Variants in EOMES observed in about 807,000 individuals in gnomAD.
EOMES encodes eomesodermin homolog.
Under a neutral mutation model 61.0 loss-of-function variants are expected in EOMES, and 18 were observed. The ratio of observed to expected loss-of-function variants is 0.30; its 90% CI spans 0.20 to 0.44. The LOEUF is 0.44. Ranked by LOEUF, EOMES falls within the 20% of genes least tolerant of loss-of-function variation. The pLI is 1.00. For synonymous variants in EOMES, 430 were observed against 394.0 expected, an observed-to-expected ratio of 1.09 and a Z score of -1.08; for missense variants, 885 against 939.2, an observed-to-expected ratio of 0.94 and a Z score of 0.75.
chr3:27,720,048 C>T (rs2060599140), intron 2 of EOMES, 123 bp downstream of exon 2: 3 of 903,988 alleles, frequency 3.3e-6, no homozygotes. Flanking sequence ...CATACTAACA[C>T]CTCTAGGCCT....
At chr3:27,719,574 A>G (rs1362903527) in intron 2 of EOMES, 93 bp from the exon 3 acceptor site, 42 of 1,166,166 alleles carry the variant, frequency 3.6e-5, no homozygotes, top group Non-Finnish European at 5.0e-5. Flanking sequence ...TATGAGCAAG[A>G]TATAAGAGCT....
At position 27,717,018 on chromosome 3, in the gene EOMES, C is replaced by T; in HGVS notation, c.*52G>A. 1 of 1,460,342 alleles carries T rather than the reference C, an allele frequency of 6.8e-7. No individual in the cohort carries two copies. Among genetic ancestry groups the T allele is most frequent in the Non-Finnish European group, 9.3e-7 (1 of 1,077,524 alleles). The allele number at this position is 1,460,342 out of a possible 1,614,324, so 90.5% of individuals were successfully genotyped here. On this transcript the variant is annotated 3_prime_UTR_variant, in exon 6 of 6. Coordinates refer to ENST00000449599, the MANE Select transcript of EOMES (RefSeq NM_001278182.2). The surrounding 1 kb of genome is among the most constrained non-coding windows in gnomAD (Gnocchi z 4.5). ...AGGCAAAGAAGACAACAAAAAACAC[C>T]ACCAAGTCCATCTGCAAAAAGTTAG... is the stretch of plus-strand genomic sequence containing the variant.
At position 27,717,902 on chromosome 3, in the gene EOMES, GT is replaced by G; in HGVS notation, c.1380-95del. On this transcript the variant is annotated intron_variant, in intron 5 of 5. Coordinates refer to ENST00000449599, the MANE Select transcript of EOMES (RefSeq NM_001278182.2). The surrounding 1 kb of genome is among the most constrained non-coding windows in gnomAD (Gnocchi z 4.5). ...CCAGAAATGAAAAAGGCTTGTGTTG[GT>G]TATCTACACCGAAAGTGCTGGTCTG... 1.1e-6 allele frequency: 1 copy of G among 938,736 alleles called. No individual in the cohort carries two copies. 58.2% of individuals were successfully genotyped at this position (938,736 alleles called of 1,614,324 possible). A position where few individuals can be genotyped will look rare whatever the true frequency, so the allele number is the denominator to read the frequency against.
chr3:27,721,783 GC>G lies in EOMES; in HGVS notation c.511del (p.Ala171ArgfsTer117). On this transcript the variant is annotated frameshift_variant, in exon 1 of 6. Transcript: ENST00000449599. LOFTEE classifies it high-confidence loss of function. The surrounding 1 kb of genome is among the most constrained non-coding windows in gnomAD (Gnocchi z 7.4). ...SLFPYQAAAGAPHGPVYPAPN... is the reference protein window; with the variant it reads ...SLFPYQAAAGXPHGPVYPAPN... ...AGCCGGGTACACAGGTCCGTGGGGC[GC>G]CCCAGCCGCCGCCTGGTACGGGAAG... is the stretch of plus-strand genomic sequence containing the variant. 2 of 1,494,926 alleles carry G rather than the reference GC, an allele frequency of 1.3e-6. No homozygotes were observed. The highest frequency in any genetic ancestry group is 1.4e-5 in the South Asian group (1 of 74,052). The allele number at this position is 1,494,926 out of a possible 1,614,324, so 92.6% of individuals were successfully genotyped here.
upstream of EOMES, chr3:27,722,463 G>C: frequency 7.4e-7 from 1 of 1,360,220 alleles, no homozygotes; most frequent in Non-Finnish European, 9.4e-7. Flanking sequence ...GCGCGTACTG[G>C]CGCGCCCTGA....
rs1342756983 is a variant in EOMES at position 27,722,116 on chromosome 3, G to A, written c.179C>T (p.Ser60Phe). The A allele has an allele frequency of 3.9e-6, 6 of 1,551,150 alleles. No individual in the cohort carries two copies. The South Asian group carries it at 7.1e-5, about 18-fold the overall frequency. ...KASKKFSGSL[S>F]CEAVSGEPAA... is the part of the protein sequence containing the mutation. ...GGGCTCCCCGCTCACCGCCTCGCAG[G>A]AGAGACTGCCGGAAAACTTCTTGGA... The change falls in exon 1 of 6, where the codon TCC becomes TTC. Residue 60 changes from serine (S) to phenylalanine (F), a missense_variant. This residue lies in a region of EOMES where 449 missense variants were observed against 383.6 expected (regional missense o/e 1.17). Coordinates refer to ENST00000449599, the MANE Select transcript of EOMES (RefSeq NM_001278182.2).
intron 1 of EOMES, among the ~76,000 whole-genome samples, chr3:27,720,852 G>A (rs56061146): frequency 5.9e-5 from 9 of 151,982 alleles, no homozygotes; most frequent in African/African-American, 2.2e-4. Flanking sequence ...ATGTATATCA[G>A]AACTTTCTCG....
intron 2 of EOMES, among the ~76,000 whole-genome samples, 179 bp downstream of exon 2, chr3:27,719,992 A>G (rs941883662): frequency 2.0e-5 from 3 of 152,100 alleles, no homozygotes; most frequent in African/African-American, 7.2e-5. Context: ...AAGAAATCTG[A>G]CTTAGCAAAC....
chr3:27,722,356 G>A (rs1198575859), upstream of EOMES: 1 of 1,414,958 alleles, frequency 7.1e-7, no homozygotes, highest in East Asian at 2.9e-5. Flanking sequence ...TATTATAAAG[G>A]CAGGATGGGG....
In EOMES at chr3:27,721,701, C is replaced by T. The variant is rs1190296745; in HGVS notation, c.594G>A (p.Ala198=). 2 of 1,494,292 alleles carry T rather than the reference C, an allele frequency of 1.3e-6. No individual in the cohort carries two copies. Among genetic ancestry groups the T allele is most frequent in the Admixed American group, 2.7e-5 (1 of 37,466 alleles). The allele number at this position is 1,494,292 out of a possible 1,614,324, so 92.6% of individuals were successfully genotyped here. A position where few individuals can be genotyped will look rare whatever the true frequency, so the allele number is the denominator to read the frequency against. ...GSMLPPGGFP[A]AVCPPGRAQF... is the part of the protein sequence containing the mutation. ...GCGCCCTCCCGGGTGGGCACACAGCCGCGGGGAAGCCGCCGGGGGGCAGCA... is the reference window on the plus strand; with the variant it reads ...GCGCCCTCCCGGGTGGGCACACAGCTGCGGGGAAGCCGCCGGGGGGCAGCA... The change falls in exon 1 of 6, where the codon GCG becomes GCA. Residue 198 remains alanine (A), a synonymous_variant. Transcript: ENST00000449599. This position sits in a 1 kb window ranked among gnomAD's most constrained non-coding sequence, Gnocchi z 7.4.
chr3:27,722,047 G>C lies in EOMES; in HGVS notation c.248C>G (p.Thr83Ser). 6.5e-7 allele frequency: 1 copy of C among 1,535,366 alleles called. No individual in the cohort carries two copies. The highest frequency in any genetic ancestry group is 8.8e-7 in the Non-Finnish European group (1 of 1,141,112). Residue 83 changes from threonine (T) to serine (S), a missense_variant, in exon 1 of 6, where the codon ACC (threonine) becomes AGC (serine). Thr to Ser is a moderately conservative substitution (Grantham distance 58). Coordinates refer to ENST00000449599, the MANE Select transcript of EOMES (RefSeq NM_001278182.2). ...GCTGGCAAATGCGTCCCCGGCGTCG[G>C]TGTCACTAAGCATGGCCGCGGGGGC... is the stretch of plus-strand genomic sequence containing the variant. ...AGAPAAMLSD[T>S]DAGDAFASAA...
rs2125402008 is a variant in EOMES at position 27,720,044 on chromosome 3, A to G, written c.1036+127T>C. 26 of 866,966 alleles carry G rather than the reference A, an allele frequency of 3.0e-5. 1 individual carries two copies. In the South Asian group the frequency reaches 4.2e-4, roughly 14 times the overall value. 53.7% of individuals were successfully genotyped at this position (866,966 alleles called of 1,614,324 possible). ...CAAGCAACTCAAAGACACTCATACT[A>G]ACACCTCTAGGCCTCAGAATGGAAG... On this transcript the variant is annotated intron_variant, in intron 2 of 5. Coordinates refer to ENST00000449599, the MANE Select transcript of EOMES (RefSeq NM_001278182.2).
In EOMES at chr3:27,721,885, T is replaced by A. The variant is rs1228665355; in HGVS notation, c.410A>T (p.Asp137Val). 6.8e-7 allele frequency: 1 copy of A among 1,476,986 alleles called. No individual in the cohort carries two copies. The allele number at this position is 1,476,986 out of a possible 1,614,324, so 91.5% of individuals were successfully genotyped here. The change falls in exon 1 of 6, where the codon GAC becomes GTC. Residue 137 changes from aspartate (D) to valine (V), a missense_variant. This residue lies in a region of EOMES where 449 missense variants were observed against 383.6 expected (regional missense o/e 1.17). Coordinates refer to ENST00000449599, the MANE Select transcript of EOMES (RefSeq NM_001278182.2). This position sits in a 1 kb window ranked among gnomAD's most constrained non-coding sequence, Gnocchi z 7.4. Reference sequence around the variant, plus strand: ...GTAGTACCGCTCGGAGCTCAGGCTGTCCATGGAGTAGCGCGCAGTGGCCGC... The same window carrying A: ...GTAGTACCGCTCGGAGCTCAGGCTGACCATGGAGTAGCGCGCAGTGGCCGC... ...AAAATARYSM[D>V]SLSSERYYLQ...
At chr3:27,720,807 C>T (rs2060606712) in intron 1 of EOMES, among the ~76,000 whole-genome samples, 1 of 152,158 alleles carries the variant, frequency 6.6e-6, no homozygotes, top group Non-Finnish European at 1.5e-5. Flanking sequence ...ACCCACCCCT[C>T]CCTTTCCCCA....
chr3:27,719,522 G>T (rs781473323), intron 2 of EOMES, 41 bp from the exon 3 acceptor site: 1 of 1,595,004 alleles, frequency 6.3e-7, no homozygotes, highest in Non-Finnish European at 8.6e-7. Context: ...CAAGCATATA[G>T]GGCTGTTTAC....
chr3:27,719,827 A>G (rs2060597204), intron 2 of EOMES, among the ~76,000 whole-genome samples: 2 of 152,162 alleles, frequency 1.3e-5, no homozygotes, highest in South Asian at 4.2e-4. Context: ...TTTATGGGTG[A>G]ACTAAACTTT....
chr3:27,722,443 G>T (rs956761485), upstream of EOMES: 9 of 1,370,590 alleles, frequency 6.6e-6, no homozygotes, highest in African/African-American at 1.4e-4. Flanking sequence ...CCGACTCGCG[G>T]GCCGCTACTG....
chr3:27,720,452 A>G, intron 1 of EOMES, 127 bp from the exon 2 acceptor site: 1 of 671,148 alleles, frequency 1.5e-6, no homozygotes, highest in South Asian at 1.6e-5. Context: ...TGCAGTGAAC[A>G]GAATGCTGGT....
upstream of EOMES, chr3:27,722,426 C>G (rs868332711): frequency 4.2e-5 from 58 of 1,368,000 alleles, no homozygotes; most frequent in Middle Eastern, 2.5e-4. Context: ...CCGGGGCTAC[C>G]CACCTGCCGA....
Sources: allele counts gnomAD v4.1 joint callset (sites outside exome capture counted in the v4.1 genomes callset), GRCh38; gene constraint gnomAD v4.1.1; regional missense constraint gnomAD v4.1.1; non-coding constraint Gnocchi (gnomAD v3.1); transcripts MANE v1.5; gene names NCBI Gene and HGNC (gene_info 2026-07-23, HGNC 2026-07-21).